Variants in HS3ST1 observed in about 807,000 individuals in gnomAD.
The protein encoded by HS3ST1 is heparan sulfate-glucosamine 3-sulfotransferase 1.
A neutral mutation model predicts 20.7 loss-of-function variants in HS3ST1; 8 were observed. The ratio of observed to expected loss-of-function variants is 0.39; its 90% CI spans 0.23 to 0.70. HS3ST1 has a LOEUF of 0.70. Among genes scored for constraint, HS3ST1 ranks in the 30% least tolerant of loss-of-function variants. The pLI is 0.46. For synonymous variants in HS3ST1, 205 were observed against 190.4 expected, an observed-to-expected ratio of 1.08 and a Z score of -0.63; for missense variants, 436 against 423.4, an observed-to-expected ratio of 1.03 and a Z score of -0.26.
chr4:11,433,681 A>G (rs754881139), upstream of HS3ST1, among the ~76,000 whole-genome samples: 2 of 151,154 alleles, frequency 1.3e-5, no homozygotes, highest in African/African-American at 2.5e-5. Flanking sequence ...TTCAGAAAAA[A>G]AAAAGTTTTC....
chr4:11,409,379 G>A (rs1361309601), intron 1 of HS3ST1, among the ~76,000 whole-genome samples: 1 of 152,132 alleles, frequency 6.6e-6, no homozygotes, highest in Non-Finnish European at 1.5e-5. Context: ...AACCCTCAGT[G>A]TGATGGTATT....
At position 11,394,246 on chromosome 4, in the gene HS3ST1, A is replaced by G. The variant is rs1272123883; in HGVS notation, c.*4836T>C. 5 of 152,276 alleles carry G rather than the reference A, an allele frequency of 3.3e-5. 1 individual carries two copies. The highest frequency in any genetic ancestry group is 7.3e-5 in the Non-Finnish European group (5 of 68,082). 9.4% of individuals were successfully genotyped at this position (152,276 alleles called of 1,614,324 possible). A position where few individuals can be genotyped will look rare whatever the true frequency, so the allele number is the denominator to read the frequency against. On this transcript the variant is annotated 3_prime_UTR_variant, in exon 2 of 2. Coordinates refer to ENST00000002596, the MANE Select transcript of HS3ST1 (RefSeq NM_005114.4). ...AGTCTGAATCTAAGATCCCATGGTC[A>G]GTGATTGGTACAGCTAGGATGCACA...
rs935325079 is a variant in HS3ST1, at chr4:11,411,295, C to G, written c.-108-11182G>C. Among the ~76,000 whole-genome samples the G allele has an allele frequency of 2.6e-5, 4 of 152,302 alleles. No individual in the cohort carries two copies. In the East Asian group the frequency reaches 7.7e-4, roughly 29 times the overall value. ...GGGTTTTGATTTTATATTGAAAAAA[C>G]TGTTGCACTTCATATGATAGCACTA... On this transcript the variant is annotated intron_variant, in intron 1 of 1. Transcript: ENST00000002596.
At chr4:11,417,887 T>C (rs1718826578) in intron 1 of HS3ST1, among the ~76,000 whole-genome samples, 1 of 152,202 alleles carries the variant, frequency 6.6e-6, no homozygotes, top group Admixed American at 6.5e-5. Context: ...GAAGTGTAAT[T>C]GTTGCCCAAA....
At chr4:11,427,819 T>G (rs769958471) in intron 1 of HS3ST1, among the ~76,000 whole-genome samples, 1 of 152,198 alleles carries the variant, frequency 6.6e-6, no homozygotes, top group Admixed American at 6.5e-5. Context: ...TGGCTCCAGC[T>G]TCTTCTTCCC....
At chr4:11,415,178 A>G (rs1718740913) in intron 1 of HS3ST1, among the ~76,000 whole-genome samples, 1 of 152,244 alleles carries the variant, frequency 6.6e-6, no homozygotes, top group Admixed American at 6.5e-5. Context: ...ACTTTGAACT[A>G]ATGTCCAGGC....
chr4:11,413,755 G>T (rs1299264058), intron 1 of HS3ST1, among the ~76,000 whole-genome samples: 1 of 152,114 alleles, frequency 6.6e-6, no homozygotes, highest in Non-Finnish European at 1.5e-5. Flanking sequence ...ATGCTTGTGG[G>T]AAGAGCACAG....
Position 11,399,365 on chromosome 4 carries a change from A to G in HS3ST1, c.641T>C (p.Ile214Thr), listed in dbSNP as rs1483835369. ...CCTGATGAGGCGGTCGCCGTCCACA[A>G]TGTGGATGTGGCGCAGCGGGAAAAA... is the stretch of plus-strand genomic sequence containing the variant. ...LRFFPLRHIH[I>T]VDGDRLIRDP... The change falls in exon 2 of 2, where the codon ATT becomes ACT. Residue 214 changes from isoleucine (I) to threonine (T), a missense_variant. Transcript: ENST00000002596. The surrounding 1 kb of genome is among the most constrained non-coding windows in gnomAD (Gnocchi z 5.1). The G allele has an allele frequency of 1.2e-6, 2 of 1,614,028 alleles. No homozygotes were observed. The highest frequency in any genetic ancestry group is 4.5e-5 in the East Asian group (2 of 44,878).
At chr4:11,402,219 A>G (rs1251873485) in intron 1 of HS3ST1, among the ~76,000 whole-genome samples, 1 of 152,226 alleles carries the variant, frequency 6.6e-6, no homozygotes, top group Non-Finnish European at 1.5e-5. Flanking sequence ...TGAAAAACAT[A>G]TTAAAGAGCA....
chr4:11,433,614 G>T (rs570565295), upstream of HS3ST1, among the ~76,000 whole-genome samples: 1 of 151,972 alleles, frequency 6.6e-6, no homozygotes, highest in African/African-American at 2.4e-5. Flanking sequence ...TTGATGAGTC[G>T]GTCTTAATGA....
chr4:11,412,079 T>G (rs1440384757), intron 1 of HS3ST1, among the ~76,000 whole-genome samples: 1 of 152,208 alleles, frequency 6.6e-6, no homozygotes, highest in African/African-American at 2.4e-5. Flanking sequence ...CCGTCAGACT[T>G]CCATATCCCA....
At chr4:11,427,784 C>G (rs1310703110) in intron 1 of HS3ST1, among the ~76,000 whole-genome samples, 1 of 152,210 alleles carries the variant, frequency 6.6e-6, no homozygotes, top group Non-Finnish European at 1.5e-5. Flanking sequence ...CCCAGCACAC[C>G]CCATCCCGCG....
At chr4:11,402,399 GC>G (rs1718348952) in intron 1 of HS3ST1, among the ~76,000 whole-genome samples, 1 of 152,140 alleles carries the variant, frequency 6.6e-6, no homozygotes, top group Non-Finnish European at 1.5e-5. Context: ...AATTTAACAG[GC>G]CAATTTTTTT....
At chr4:11,433,433 G>A (rs1389976699), upstream of HS3ST1, among the ~76,000 whole-genome samples, 1 of 152,202 alleles carries the variant, frequency 6.6e-6, no homozygotes, top group Non-Finnish European at 1.5e-5. Context: ...GTGTTAAACT[G>A]TGGCCAAAAT....
intron 1 of HS3ST1, chr4:11,414,088 C>T (rs1301743426): frequency 6.6e-6 from 1 of 152,116 alleles, no homozygotes; most frequent in Admixed American, 6.5e-5. Flanking sequence ...AGTCTTCCAT[C>T]CCAAGTACTA....
At chr4:11,426,364 C>CG (rs1553858480) in intron 1 of HS3ST1, among the ~76,000 whole-genome samples, 671 of 43,166 alleles carry the variant, frequency 0.016, 3 homozygotes, top group Admixed American at 0.026. Context: ...CCTTCAGAGG[C>CG]CCCCCCCCCA....
chr4:11,428,470 C>G (rs964347039), intron 1 of HS3ST1: 1 of 152,378 alleles, frequency 6.6e-6, no homozygotes, highest in Non-Finnish European at 1.5e-5. Flanking sequence ...TACAGATCAA[C>G]CGGTCCCTCG....
At position 11,398,164 on chromosome 4, in the gene HS3ST1, T is replaced by C. The variant is rs1318503083; in HGVS notation, c.*918A>G. The C allele has an allele frequency of 6.6e-6, 1 of 152,250 alleles. No homozygotes were observed. The highest frequency in any genetic ancestry group is 2.4e-5 in the African/African-American group (1 of 41,464). 9.4% of individuals were successfully genotyped at this position (152,250 alleles called of 1,614,324 possible). On this transcript the variant is annotated 3_prime_UTR_variant, in exon 2 of 2. Coordinates refer to ENST00000002596, the MANE Select transcript of HS3ST1 (RefSeq NM_005114.4). ...TATGTCTCAGTGCATATGGAATATA[T>C]GTCTATAATGCCAATGTGTCTTTCA...
At chr4:11,405,873 CTG>C (rs1161386207) in intron 1 of HS3ST1, among the ~76,000 whole-genome samples, 1 of 152,188 alleles carries the variant, frequency 6.6e-6, no homozygotes, top group South Asian at 2.1e-4. Flanking sequence ...ATGTAATTAA[CTG>C]TAATATATTC....
Sources: gnomAD v4.1 joint callset for allele counts (sites outside exome capture counted in the v4.1 genomes callset) on GRCh38, gnomAD v4.1.1 for gene constraint, Gnocchi (gnomAD v3.1) non-coding constraint, MANE v1.5 for transcripts, NCBI Gene and HGNC (gene_info 2026-07-23, HGNC 2026-07-21) for gene names.